The following ZFHX3 variants were observed in gnomAD, a reference collection of about 807,000 sequenced individuals.
ZFHX3 encodes the protein zinc finger homeobox protein 3.
A neutral mutation model predicts 279.1 loss-of-function variants in ZFHX3; 42 were observed. The ratio of observed to expected loss-of-function variants is 0.15; its 90% confidence interval spans 0.12 to 0.19. ZFHX3 has a LOEUF of 0.19. Ranked by LOEUF, ZFHX3 falls within the 10% of genes least tolerant of loss-of-function variation. The probability of loss-of-function intolerance (pLI) is 1.00; values close to 1 mark genes in which losing one functional copy is unlikely to be tolerated. For missense variants in ZFHX3, 4,981 were observed against 4,754.0 expected (o/e 1.05, Z -1.40); for synonymous variants, 2,293 against 1,957.8 (o/e 1.17, Z -4.52).
At chr16:73,014,430 T>C (rs749517495) in intron 1 of ZFHX3, 4 of 151,798 alleles carry the variant, frequency 2.6e-5, no homozygotes, top group Non-Finnish European at 5.9e-5. Context: ...GTTAATAAAG[T>C]TTAAACATAC....
chr16:73,272,467 T>C (rs2014173651), intron 4 of ZFHX3, among the ~76,000 whole-genome samples: 1 of 152,132 alleles, frequency 6.6e-6, no homozygotes, highest in African/African-American at 2.4e-5. Flanking sequence ...TTGTTGCCAA[T>C]AGAAGGAAGG....
At chr16:73,447,372 A>G (rs2018205915) in intron 3 of ZFHX3, among the ~76,000 whole-genome samples, 1 of 152,090 alleles carries the variant, frequency 6.6e-6, no homozygotes, top group Non-Finnish European at 1.5e-5. Flanking sequence ...GTGTACCACA[A>G]CGCTGCTTTT....
At chr16:73,283,542 T>C (rs1236536709) in intron 4 of ZFHX3, among the ~76,000 whole-genome samples, 1 of 152,152 alleles carries the variant, frequency 6.6e-6, no homozygotes. Flanking sequence ...GGGACCCAGA[T>C]AATAAGAAAA....
chr16:73,277,544 C>A (rs1309495178), intron 4 of ZFHX3, among the ~76,000 whole-genome samples: 1 of 152,184 alleles, frequency 6.6e-6, no homozygotes, highest in Non-Finnish European at 1.5e-5. Context: ...TGAATTAAAT[C>A]CTCATGACTT....
chr16:73,186,922 T>C (rs1037696563), intron 5 of ZFHX3, among the ~76,000 whole-genome samples: 2 of 152,176 alleles, frequency 1.3e-5, no homozygotes, highest in African/African-American at 2.4e-5. Context: ...TCTAAAAATA[T>C]GTACAGATAC....
intron 1 of ZFHX3, among the ~76,000 whole-genome samples, chr16:73,849,936 T>C (rs2142378404): frequency 6.6e-6 from 1 of 152,316 alleles, no homozygotes; most frequent in South Asian, 2.1e-4. Context: ...TTTCACCATG[T>C]TGGTCAGGCT....
At position 72,879,859 on chromosome 16, in the gene ZFHX3, G is replaced by A. The variant is rs7187973; in HGVS notation, c.3448+9872C>T. Among the ~76,000 whole-genome samples the A allele has an allele frequency of 9.1e-3, 1,392 of 152,252 alleles. 25 individuals carry two copies. Among genetic ancestry groups the A allele is most frequent in the African/African-American group, 0.032 (1,317 of 41,544 alleles). ...CACAGGCACAAGAACCTTCCTCCAC[G>A]TGGCCGGCTGTCAGTCCTCTTGGTG... On this transcript the variant is annotated intron_variant, in intron 4 of 9. Transcript: ENST00000268489.
intron 2 of ZFHX3, among the ~76,000 whole-genome samples, chr16:73,506,476 G>C (rs1249796222): frequency 1.3e-5 from 2 of 152,082 alleles, no homozygotes; most frequent in African/African-American, 2.4e-5. Context: ...TAGGTTAATA[G>C]AGTCCCACGG....
At chr16:73,879,892 A>G (rs1003007140) in intron 1 of ZFHX3, among the ~76,000 whole-genome samples, 5 of 152,210 alleles carry the variant, frequency 3.3e-5, no homozygotes, top group Admixed American at 3.3e-4. Context: ...CCCCTGGGGA[A>G]GGAGGGGGGC....
Position 72,785,989 on chromosome 16 carries a change from A to AAAT in ZFHX3, c.*1172_*1174dup, listed in dbSNP as rs1290885174. On this transcript the variant is annotated 3_prime_UTR_variant, in exon 10 of 10. Transcript: ENST00000268489. ...TTGAAATTCTTTCTTTAGTTTTATA[A>AAAT]AATAATTCTGCAGCTCCCTCTAAGA... The AAAT allele has an allele frequency of 6.6e-6, 1 of 152,194 alleles. No homozygotes were observed. Among genetic ancestry groups the AAAT allele is most frequent in the African/African-American group, 2.4e-5 (1 of 41,444 alleles). 9.4% of individuals were successfully genotyped at this position (152,194 alleles called of 1,614,324 possible).
Position 72,787,368 on chromosome 16 carries a change from G to T in ZFHX3, c.10908C>A (p.Ser3636=). 3 of 1,609,696 alleles carry T rather than the reference G, an allele frequency of 1.9e-6. No individual in the cohort carries two copies. Among genetic ancestry groups the T allele is most frequent in the Non-Finnish European group, 2.5e-6 (3 of 1,176,888 alleles). Residue 3636 remains serine, a synonymous_variant, in exon 10 of 10, where the codon TCC becomes TCA. Transcript: ENST00000268489. ...AACTTGAGGTAACCGTTGAAGATGA[G>T]GAGAGAGGAGGAAAAGAAGGGGGCT... The part of the protein sequence containing the change: ...AAKPPSFPPL[S]SSSTVTSSSC...
chr16:73,651,951 A>G (rs959909818), intron 2 of ZFHX3, among the ~76,000 whole-genome samples: 7 of 152,130 alleles, frequency 4.6e-5, no homozygotes, highest in African/African-American at 1.7e-4. Context: ...TCATTATGGT[A>G]AAATAAAATA....
At chr16:73,394,104 A>C (rs1966506) in intron 3 of ZFHX3, among the ~76,000 whole-genome samples, 15,453 of 150,768 alleles carry the variant, frequency 0.1, 958 homozygotes, top group Middle Eastern at 0.17. Flanking sequence ...AATTGATTTC[A>C]CCACCAGTTC....
rs544074837 is a variant in ZFHX3 at position 73,569,541 on chromosome 16, A to G, written c.-1547+110639T>C. 2.6e-5 allele frequency among the ~76,000 whole-genome samples: 4 copies of G among 152,010 alleles called. No homozygotes were observed. In the South Asian group the frequency reaches 6.2e-4, roughly 24 times the overall value. ...CAATCCAAGCTTTGATTGTTATTCT[A>G]TACTAGCCAGCAAGTGCCAAGGTCA... is the stretch of plus-strand genomic sequence containing the variant. On this transcript the variant is annotated intron_variant, in intron 2 of 17. Transcript: ENST00000641206.
intron 7 of ZFHX3, among the ~76,000 whole-genome samples, chr16:73,128,185 C>T (rs1310926249): frequency 6.6e-6 from 1 of 152,012 alleles, no homozygotes; most frequent in Non-Finnish European, 1.5e-5. Flanking sequence ...TACAGGGGGG[C>T]TGGGTTTTAG....
chr16:73,353,016 G>C (rs1044124130), intron 3 of ZFHX3, among the ~76,000 whole-genome samples: 1 of 152,158 alleles, frequency 6.6e-6, no homozygotes, highest in Non-Finnish European at 1.5e-5. Flanking sequence ...GACACGAAGA[G>C]ATGTGTCTCT....
At chr16:73,851,880 G>A (rs369819424) in intron 1 of ZFHX3, among the ~76,000 whole-genome samples, 7 of 152,078 alleles carry the variant, frequency 4.6e-5, no homozygotes, top group East Asian at 3.9e-4. Context: ...GGAACTGCTC[G>A]GACAGTTTTG....
chr16:73,367,016 C>T (rs981609835), intron 3 of ZFHX3, among the ~76,000 whole-genome samples: 5 of 151,848 alleles, frequency 3.3e-5, no homozygotes, highest in African/African-American at 1.2e-4. Context: ...CGCTGACACA[C>T]TCATACACAC....
chr16:73,335,585 A>G (rs934986306), intron 3 of ZFHX3, among the ~76,000 whole-genome samples: 1 of 152,234 alleles, frequency 6.6e-6, no homozygotes, highest in Non-Finnish European at 1.5e-5. Context: ...TTGCCAATGA[A>G]GATTCATGAT....
Sources: gnomAD v4.1 joint callset for allele counts (sites outside exome capture counted in the v4.1 genomes callset) on GRCh38, gnomAD v4.1.1 for gene constraint, MANE v1.5 for transcripts, NCBI Gene and HGNC (gene_info 2026-07-23, HGNC 2026-07-21) for gene names.